LRP1B: variants seen among roughly 807,000 people sequenced by gnomAD.
LRP1B encodes LDL receptor related protein 1B.
In LRP1B, 217 loss-of-function variants were observed where a neutral mutation model predicts 556.6. The observed-to-expected ratio is 0.39, with a 90% CI of 0.35 to 0.44. LRP1B has a LOEUF of 0.44. Ranked by LOEUF, LRP1B falls within the 20% of genes least tolerant of loss-of-function variation. The pLI, the probability that LRP1B is intolerant of heterozygous loss-of-function variation, is 1.00. For synonymous variants in LRP1B, 2,047 were observed against 1,865.8 expected, an observed-to-expected ratio of 1.10 and a Z score of -2.50; for missense variants, 5,053 against 5,620.8, an observed-to-expected ratio of 0.90 and a Z score of 3.23.
intron 3 of LRP1B, among the ~76,000 whole-genome samples, chr2:141,263,450 C>T (rs529721894): frequency 2.0e-5 from 3 of 151,998 alleles, no homozygotes; most frequent in Non-Finnish European, 4.4e-5. Context: ...ACTGCCAAAG[C>T]TCATTCAAGA....
chr2:141,408,118 A>G lies in LRP1B; in HGVS notation c.343+72278T>C, dbSNP rs533612260. ...CTACCTAGGTCATATGCTTTTAATTAAAAATGCAAGGAATTTGGTTCAATT... is the reference window on the plus strand; with the variant it reads ...CTACCTAGGTCATATGCTTTTAATTGAAAATGCAAGGAATTTGGTTCAATT... On this transcript the variant is annotated intron_variant, in intron 3 of 90. Coordinates refer to ENST00000389484, the MANE Select transcript of LRP1B (RefSeq NM_018557.3). Among the ~76,000 whole-genome samples, 8 of 151,168 alleles carry G rather than the reference A, an allele frequency of 5.3e-5. No homozygotes were observed. The South Asian group carries it at 1.7e-3, about 31-fold the overall frequency.
rs531831056 is a variant in LRP1B at position 141,906,611 on chromosome 2, A to G, written c.83-96210T>C. Among the ~76,000 whole-genome samples, 11 of 152,180 alleles carry G rather than the reference A, an allele frequency of 7.2e-5. No homozygotes were observed. In the East Asian group the frequency reaches 2.1e-3, roughly 29 times the overall value. On this transcript the variant is annotated intron_variant, in intron 1 of 90. Transcript: ENST00000389484. ...TACTGATGTGACTTTTATGTTGCTC[A>G]TCTTCCTGTTGATAGTATATTGATT...
intron 3 of LRP1B, among the ~76,000 whole-genome samples, chr2:141,368,181 A>T (rs1689111348): frequency 6.6e-6 from 1 of 152,216 alleles, no homozygotes; most frequent in Admixed American, 6.5e-5. Context: ...TGGAGAAGTC[A>T]GTTAATCAAA....
Position 140,326,108 on chromosome 2 carries a change from T to C in LRP1B, c.12224-230A>G, listed in dbSNP as rs1180681350. ...TTTACTTAACAAATTCTAGCAAAAG[T>C]CTTATTTCACATAGGAAAGTCTGTC... On this transcript the variant is annotated intron_variant, in intron 79 of 90. Transcript: ENST00000389484. 2.6e-5 allele frequency among the ~76,000 whole-genome samples: 4 copies of C among 152,100 alleles called. 1 individual carries two copies. In the South Asian group the frequency reaches 8.3e-4, roughly 32 times the overall value.
chr2:140,332,009 T>G lies in LRP1B; in HGVS notation c.12223+2444A>C, dbSNP rs10207121. Among the ~76,000 whole-genome samples, 456 of 152,132 alleles carry G rather than the reference T, an allele frequency of 3.0e-3. 1 individual carries two copies. Among genetic ancestry groups the G allele is most frequent in the African/African-American group, 0.011 (442 of 41,546 alleles). ...ACCACACCCAGCCAATCTTTTGATTTTCTATTGATAAAGCCAAGGTTTGAA... is the reference window on the plus strand; with the variant it reads ...ACCACACCCAGCCAATCTTTTGATTGTCTATTGATAAAGCCAAGGTTTGAA... On this transcript the variant is annotated intron_variant, in intron 79 of 90. Transcript: ENST00000389484.
At chr2:141,541,090 AAC>A (rs1381368492) in intron 2 of LRP1B, among the ~76,000 whole-genome samples, 5 of 152,046 alleles carry the variant, frequency 3.3e-5, no homozygotes, top group African/African-American at 4.8e-5. Context: ...TTTATAACAA[AAC>A]ATGAATAACA....
chr2:140,246,020 T>C (rs369512365), intron 87 of LRP1B, among the ~76,000 whole-genome samples: 3 of 151,424 alleles, frequency 2.0e-5, no homozygotes, highest in Non-Finnish European at 4.4e-5. Flanking sequence ...GGCTTATTAA[T>C]AAACCCAAAT....
intron 29 of LRP1B, among the ~76,000 whole-genome samples, chr2:140,849,432 C>T (rs1456596577): frequency 6.6e-6 from 1 of 150,662 alleles, no homozygotes; most frequent in African/African-American, 2.4e-5. Context: ...AACAGGGAAG[C>T]CAGTCCTTCC....
At chr2:141,314,489 C>T (rs1243382493) in intron 3 of LRP1B, among the ~76,000 whole-genome samples, 2 of 151,858 alleles carry the variant, frequency 1.3e-5, no homozygotes, top group Non-Finnish European at 2.9e-5. Flanking sequence ...TGAGATTAAA[C>T]GGGCTTAAAA....
At chr2:141,257,289 G>T (rs914984418) in intron 3 of LRP1B, among the ~76,000 whole-genome samples, 1 of 152,120 alleles carries the variant, frequency 6.6e-6, no homozygotes, top group African/African-American at 2.4e-5. Context: ...ACTATGAAAA[G>T]AATGAGGGTA....
chr2:140,825,893 CCAGT>C (rs1242241938), intron 31 of LRP1B, among the ~76,000 whole-genome samples: 6 of 152,122 alleles, frequency 3.9e-5, no homozygotes, highest in African/African-American at 7.2e-5. Context: ...GCTGTGATAC[CCAGT>C]CATTCAATCA....
chr2:140,679,382 C>A (rs1199192868), intron 41 of LRP1B, among the ~76,000 whole-genome samples: 3 of 152,118 alleles, frequency 2.0e-5, no homozygotes, highest in African/African-American at 7.2e-5. Flanking sequence ...CTGGTCAACG[C>A]CAAAGTGGAA....
chr2:141,968,693 T>C (rs1434246071), intron 1 of LRP1B, among the ~76,000 whole-genome samples: 1 of 151,766 alleles, frequency 6.6e-6, no homozygotes, highest in Non-Finnish European at 1.5e-5. Flanking sequence ...AAGACTGTGG[T>C]TTCAAGTAAA....
At chr2:141,059,162 C>G in intron 8 of LRP1B, 108 bp from the exon 9 acceptor site, 3 of 673,134 alleles carry the variant, frequency 4.5e-6, no homozygotes, top group Middle Eastern at 4.5e-4. Flanking sequence ...AGCAGAAGAA[C>G]CGCAAGGATG....
chr2:141,829,438 C>A (rs1191017874), intron 1 of LRP1B, among the ~76,000 whole-genome samples: 1 of 152,084 alleles, frequency 6.6e-6, no homozygotes, highest in East Asian at 1.9e-4. Context: ...GATTCTCTGA[C>A]AAGGGACAAA....
rs371266221 is a variant in LRP1B at position 140,923,737 on chromosome 2, C to A, written c.3137-590G>T. Among the ~76,000 whole-genome samples the A allele has an allele frequency of 2.3e-4, 35 of 151,966 alleles. 1 individual carries two copies. Among genetic ancestry groups the A allele is most frequent in the East Asian group, 2.1e-3 (11 of 5,168 alleles). On this transcript the variant is annotated intron_variant, in intron 20 of 90. Coordinates refer to ENST00000389484, the MANE Select transcript of LRP1B (RefSeq NM_018557.3). ...TTCAATTCTAGAATCAGAATAGACA[C>A]TTAAATATAAGAATTGAAATACTAG...
chr2:140,836,538 T>C (rs1041079834), intron 31 of LRP1B, among the ~76,000 whole-genome samples: 9 of 152,342 alleles, frequency 5.9e-5, no homozygotes, highest in African/African-American at 2.2e-4. Flanking sequence ...TTAATTTGGA[T>C]TGGCAAATCC....
chr2:140,848,012 A>AT lies in LRP1B; in HGVS notation c.4939+2089dup, dbSNP rs535761297. Among the ~76,000 whole-genome samples the AT allele has an allele frequency of 9.9e-5, 15 of 150,874 alleles. No homozygotes were observed. The South Asian group carries it at 1.0e-3, about 11-fold the overall frequency. ...AATTAAAGACAGAAAATTGTCTCCT[A>AT]TTTTTTTTTAAGATATAACATCTTT... is the stretch of plus-strand genomic sequence containing the variant. On this transcript the variant is annotated intron_variant, in intron 29 of 90. Transcript: ENST00000389484.
chr2:140,697,869 T>C (rs1316393866), intron 41 of LRP1B, among the ~76,000 whole-genome samples: 1 of 152,030 alleles, frequency 6.6e-6, no homozygotes, highest in East Asian at 1.9e-4. Flanking sequence ...GGCTGCAAAA[T>C]ACTGGAAATG....
Sources: allele counts gnomAD v4.1 joint callset (sites outside exome capture counted in the v4.1 genomes callset), GRCh38; gene constraint gnomAD v4.1.1; transcripts MANE v1.5; gene names NCBI Gene and HGNC (gene_info 2026-07-23, HGNC 2026-07-21).